Variants in ABCC4 observed in about 807,000 individuals in gnomAD.
ABCC4 encodes ATP-binding cassette sub-family C member 4.
A neutral mutation model predicts 168.5 loss-of-function variants in ABCC4; 102 were observed. The ratio of observed to expected loss-of-function variants is 0.61; its 90% CI spans 0.52 to 0.71. The LOEUF (loss-of-function observed/expected upper bound fraction) is 0.71, where lower values mean the gene tolerates loss of function less well. ABCC4 is among the 30% of genes least tolerant of loss of function. The pLI is 0.00. For missense variants in ABCC4, 1,402 were observed against 1,605.8 expected (o/e 0.87, Z 2.17); for synonymous variants, 617 against 590.7 (o/e 1.04, Z -0.65).
chr13:95,104,770 G>A (rs573735284), intron 20 of ABCC4, among the ~76,000 whole-genome samples: 3 of 152,156 alleles, frequency 2.0e-5, no homozygotes, highest in Non-Finnish European at 4.4e-5. Flanking sequence ...CAAGGATTGG[G>A]GCAGAGAATG....
At chr13:95,295,782 C>G (rs955763291) in intron 1 of ABCC4, among the ~76,000 whole-genome samples, 23 of 151,692 alleles carry the variant, frequency 1.5e-4, no homozygotes, top group African/African-American at 3.4e-4. Context: ...GGCCAACATA[C>G]TGAAACCCCA....
At chr13:95,291,172 G>A (rs2041395610) in intron 1 of ABCC4, among the ~76,000 whole-genome samples, 1 of 151,690 alleles carries the variant, frequency 6.6e-6, no homozygotes, top group Admixed American at 6.6e-5. Flanking sequence ...TGGGCAACAT[G>A]GCAAAACCCC....
chr13:95,192,559 T>A (rs1594270945), intron 9 of ABCC4, among the ~76,000 whole-genome samples: 1 of 152,210 alleles, frequency 6.6e-6, no homozygotes. Context: ...TTCCTCTAGC[T>A]CAACAGCATT....
chr13:95,175,292 G>A (rs1161888780), intron 13 of ABCC4, among the ~76,000 whole-genome samples: 1 of 151,950 alleles, frequency 6.6e-6, no homozygotes, highest in Admixed American at 6.6e-5. Flanking sequence ...ATTGAACAGA[G>A]AACCTTTTTT....
chr13:95,071,595 A>T, intron 25 of ABCC4, 67 bp downstream of exon 25: 1 of 1,319,388 alleles, frequency 7.6e-7, no homozygotes, highest in Non-Finnish European at 9.9e-7. Context: ...ATCCACAAGG[A>T]AGACAACAAG....
chr13:95,150,994 C>A (rs1306789904), intron 19 of ABCC4, among the ~76,000 whole-genome samples: 1 of 152,122 alleles, frequency 6.6e-6, no homozygotes, highest in African/African-American at 2.4e-5. Flanking sequence ...TTTTGAAGTG[C>A]CAAAAGAACC....
At chr13:95,230,683 G>A (rs761580703) in intron 4 of ABCC4, among the ~76,000 whole-genome samples, 22 of 152,308 alleles carry the variant, frequency 1.4e-4, no homozygotes, top group Non-Finnish European at 2.8e-4. Flanking sequence ...GCTGAGGCAG[G>A]AGAATCACTT....
chr13:95,298,458 G>GTAAAAC (rs1003358373), intron 1 of ABCC4, among the ~76,000 whole-genome samples: 3 of 152,104 alleles, frequency 2.0e-5, no homozygotes, highest in African/African-American at 7.2e-5. Context: ...CACACACCCA[G>GTAAAAC]TGTTTCCAGT....
intron 30 of ABCC4, among the ~76,000 whole-genome samples, chr13:95,025,566 A>C (rs2031498609): frequency 1.3e-5 from 2 of 148,946 alleles, no homozygotes; most frequent in African/African-American, 5.0e-5. Context: ...AAGCACAGAA[A>C]ATTCCCTTTA....
intron 19 of ABCC4, among the ~76,000 whole-genome samples, chr13:95,147,731 C>T (rs1056274882): frequency 6.6e-6 from 1 of 152,128 alleles, no homozygotes; most frequent in Non-Finnish European, 1.5e-5. Flanking sequence ...TGGAATAATT[C>T]CAATATTCCA....
chr13:95,163,651 G>A lies in ABCC4; in HGVS notation c.2176-4C>T. 1 of 1,610,632 alleles carries A rather than the reference G, an allele frequency of 6.2e-7. No individual in the cohort carries two copies. ...AATCTTGAAGCACATAGGCAACCTA[G>A]GAGGGGAGAAACAACAAAGACAAAA... On this transcript the variant is annotated splice_region_variant and splice_polypyrimidine_tract_variant and intron_variant, in intron 16 of 30. Coordinates refer to ENST00000645237, the MANE Select transcript of ABCC4 (RefSeq NM_005845.5).
In ABCC4 at chr13:95,118,896, A is replaced by G. The variant is rs146588673; in HGVS notation, c.2456-2895T>C. ...TACAAAGTGAATCGAATTTCTCTTG[A>G]CAGGGCAGCTCTTCAACTACTTGAA... On this transcript the variant is annotated intron_variant, in intron 19 of 30. Transcript: ENST00000645237. Among the ~76,000 whole-genome samples, 3 of 152,290 alleles carry G rather than the reference A, an allele frequency of 2.0e-5. No individual in the cohort carries two copies. In the East Asian group the frequency reaches 5.8e-4, roughly 29 times the overall value.
At chr13:95,126,674 C>CTAGGT (rs1341736836) in intron 19 of ABCC4, among the ~76,000 whole-genome samples, 19 of 130,990 alleles carry the variant, frequency 1.5e-4, no homozygotes, top group African/African-American at 5.6e-4. Context: ...TTACACCAAA[C>CTAGGT]TGTGTGCTAG....
intron 20 of ABCC4, among the ~76,000 whole-genome samples, chr13:95,106,519 A>G (rs942139119): frequency 3.3e-5 from 5 of 151,320 alleles, no homozygotes; most frequent in Non-Finnish European, 5.9e-5. Flanking sequence ...CAGTATTTAA[A>G]GAAGAGCAAG....
Position 95,075,443 on chromosome 13 carries a change from T to G in ABCC4, c.2795A>C (p.Asp932Ala). 1.9e-6 allele frequency: 3 copies of G among 1,614,050 alleles called. No individual in the cohort carries two copies. The highest frequency in any genetic ancestry group is 2.5e-6 in the Non-Finnish European group (3 of 1,179,990). ...RCQELFDAHQ[D>A]LHSEAWFLFL... Reference sequence around the variant, plus strand: ...AGAAATAGACAGACCTGAATGTAAATCCTGGTGTGCATCAAACAGTTCCTG... The same window carrying G: ...AGAAATAGACAGACCTGAATGTAAAGCCTGGTGTGCATCAAACAGTTCCTG... The change falls in exon 22 of 31, where the codon GAT becomes GCT. Residue 932 changes from aspartate to alanine, a missense_variant. Transcript: ENST00000645237.
rs141342307 is a variant in ABCC4, at chr13:95,202,960, G to A, written c.1161+3572C>T. Among the ~76,000 whole-genome samples, 132 of 152,038 alleles carry A rather than the reference G, an allele frequency of 8.7e-4. No individual in the cohort carries two copies. The Middle Eastern group carries it at 0.01, about 12-fold the overall frequency. On this transcript the variant is annotated intron_variant, in intron 8 of 30. Transcript: ENST00000645237. Reference sequence around the variant, plus strand: ...CAGACGTGAGCCATCGCGCCTGGCCGCACTTCTGAGACAGATTGACGGCCT... The same window carrying A: ...CAGACGTGAGCCATCGCGCCTGGCCACACTTCTGAGACAGATTGACGGCCT...
At position 95,025,283 on chromosome 13, in the gene ABCC4, C is replaced by A. The variant is rs1427761355; in HGVS notation, c.3871-3601G>T. On this transcript the variant is annotated intron_variant, in intron 30 of 30. Coordinates refer to ENST00000645237, the MANE Select transcript of ABCC4 (RefSeq NM_005845.5). ...CACACCCCCACACCCCCACACACAC[C>A]CCCACACACACCCACATACGCCCAC... Among the ~76,000 whole-genome samples, 302 of 80,066 alleles carry A rather than the reference C, an allele frequency of 3.8e-3. 5 individuals are homozygous for A. Among genetic ancestry groups the A allele is most frequent in the African/African-American group, 0.014 (249 of 17,452 alleles). The allele number at this position is 80,066 out of a possible 152,430, so 52.5% of individuals were successfully genotyped here. A position where few individuals can be genotyped will look rare whatever the true frequency, so the allele number is the denominator to read the frequency against.
chr13:95,156,557 AGGGC>A (rs2036861860), intron 19 of ABCC4, among the ~76,000 whole-genome samples: 1 of 152,248 alleles, frequency 6.6e-6, no homozygotes, highest in Non-Finnish European at 1.5e-5. Context: ...GAACGGAAAC[AGGGC>A]TAAGACACAC....
At chr13:95,091,002 G>C (rs2034415725) in intron 20 of ABCC4, among the ~76,000 whole-genome samples, 2 of 152,142 alleles carry the variant, frequency 1.3e-5, no homozygotes, top group African/African-American at 2.4e-5. Flanking sequence ...CTCAGCAATA[G>C]AACTGAATAA....
Sources: allele counts gnomAD v4.1 joint callset (sites outside exome capture counted in the v4.1 genomes callset), GRCh38; gene constraint gnomAD v4.1.1; transcripts MANE v1.5; gene names NCBI Gene and HGNC (gene_info 2026-07-23, HGNC 2026-07-21).